ABLIM2: variants seen among roughly 807,000 people sequenced by gnomAD.
The protein encoded by ABLIM2 is actin binding LIM protein family member 2.
In ABLIM2, 53 loss-of-function variants were observed where a neutral mutation model predicts 97.7. The ratio of observed to expected loss-of-function variants is 0.54; its 90% confidence interval spans 0.44 to 0.68. The LOEUF (loss-of-function observed/expected upper bound fraction) is 0.68, where lower values mean the gene tolerates loss of function less well. Ranked by LOEUF, ABLIM2 falls within the 30% of genes least tolerant of loss-of-function variation. The probability of loss-of-function intolerance (pLI) is 0.00; values close to 1 mark genes in which losing one functional copy is unlikely to be tolerated. For missense variants in ABLIM2, 835 were observed against 867.2 expected, an observed-to-expected ratio of 0.96 and a Z score of 0.47; for synonymous variants, 361 against 345.8, an observed-to-expected ratio of 1.04 and a Z score of -0.49.
rs971671161 is a variant in ABLIM2, at chr4:8,085,923, C to T, written c.454+2246G>A. Among the ~76,000 whole-genome samples the T allele has an allele frequency of 6.7e-5, 7 of 105,024 alleles. No individual in the cohort carries two copies. The highest frequency in any genetic ancestry group is 1.3e-4 in the Non-Finnish European group (7 of 52,692). The allele number at this position is 105,024 out of a possible 152,430, so 68.9% of individuals were successfully genotyped here. ...TGAAAGGCCTTGGCCCACCCCTCGG[C>T]ACTTCCGCCCCCTGATGGACAGAGC... On this transcript the variant is annotated intron_variant, in intron 4 of 20. Coordinates refer to ENST00000447017, the MANE Select transcript of ABLIM2 (RefSeq NM_001130083.2). This position sits in a 1 kb window ranked among gnomAD's most constrained non-coding sequence, Gnocchi z 6.1.
rs187980428 is a variant in ABLIM2 at position 8,018,396 on chromosome 4, C to G, written c.1423+1222G>C. On this transcript the variant is annotated intron_variant, in intron 14 of 20. Transcript: ENST00000447017. Reference sequence around the variant, plus strand: ...CAGGCCTCAGTTTCCCCACTTGTAACCCAAGGGAACTGGTCTGGACAATTT... The same window carrying G: ...CAGGCCTCAGTTTCCCCACTTGTAAGCCAAGGGAACTGGTCTGGACAATTT... 2.0e-5 allele frequency among the ~76,000 whole-genome samples: 3 copies of G among 152,278 alleles called. No individual in the cohort carries two copies. In the East Asian group the frequency reaches 5.8e-4, roughly 29 times the overall value.
At chr4:8,080,371 G>A (rs1273970317) in intron 5 of ABLIM2, among the ~76,000 whole-genome samples, 2 of 152,184 alleles carry the variant, frequency 1.3e-5, no homozygotes, top group Non-Finnish European at 2.9e-5. Flanking sequence ...GGGGAGGGAA[G>A]GCACTTCAAA....
Position 8,032,690 on chromosome 4 carries a change from C to A in ABLIM2, c.1048-2914G>T. The A allele has an allele frequency of 2.5e-6, 4 of 1,612,474 alleles. No homozygotes were observed. Among genetic ancestry groups the A allele is most frequent in the Non-Finnish European group, 3.4e-6 (4 of 1,179,806 alleles). On this transcript the variant is annotated intron_variant, in intron 10 of 20. Transcript: ENST00000447017. This position sits in a 1 kb window ranked among gnomAD's most constrained non-coding sequence, Gnocchi z 4.3. ...AGAGCAACTGAGGGGACTGTGGACA[C>A]AACACACAAAGTGGCCATTAGTGCT...
intron 1 of ABLIM2, among the ~76,000 whole-genome samples, chr4:8,116,207 GGTTT>G (rs1366502279): frequency 3.3e-5 from 5 of 152,216 alleles, no homozygotes; most frequent in Non-Finnish European, 7.3e-5. Context: ...GGCTTGGGGT[GGTTT>G]GTTAGGCAGC....
At chr4:8,017,237 G>A (rs1418117298) in intron 14 of ABLIM2, among the ~76,000 whole-genome samples, 1 of 151,992 alleles carries the variant, frequency 6.6e-6, no homozygotes, top group Non-Finnish European at 1.5e-5. Context: ...GACTGTTCAG[G>A]GAGGTGCTCT....
chr4:8,043,306 A>G lies in ABLIM2; in HGVS notation c.900+1858T>C, dbSNP rs1283762770. ...TAGGAGTGTCAGCTGTGACCCTTTCAATGGGTGAGGAAACAGACCATACCT... is the reference window on the plus strand; with the variant it reads ...TAGGAGTGTCAGCTGTGACCCTTTCGATGGGTGAGGAAACAGACCATACCT... On this transcript the variant is annotated intron_variant, in intron 9 of 20. Transcript: ENST00000447017. This position sits in a 1 kb window ranked among gnomAD's most constrained non-coding sequence, Gnocchi z 4.8. 6.6e-6 allele frequency among the ~76,000 whole-genome samples: 1 copy of G among 152,128 alleles called. No homozygotes were observed. Among genetic ancestry groups the G allele is most frequent in the Non-Finnish European group, 1.5e-5 (1 of 68,032 alleles).
Position 8,033,048 on chromosome 4 carries a change from G to A in ABLIM2, c.1047+3101C>T, listed in dbSNP as rs1462256357. On this transcript the variant is annotated intron_variant, in intron 10 of 20. Transcript: ENST00000447017. The surrounding 1 kb of genome is among the most constrained non-coding windows in gnomAD (Gnocchi z 4.5). ...CAACATCCTGAGGGCCCATCACCTC[G>A]GTTTTCTCTGGACAAGAGAGAAAAG... is the stretch of plus-strand genomic sequence containing the variant. Among the ~76,000 whole-genome samples, 1 of 152,294 alleles carries A rather than the reference G, an allele frequency of 6.6e-6. No individual in the cohort carries two copies. The highest frequency in any genetic ancestry group is 2.4e-5 in the African/African-American group (1 of 41,560).
chr4:7,971,411 G>A (rs1006257000), intron 20 of ABLIM2, among the ~76,000 whole-genome samples: 8 of 152,164 alleles, frequency 5.3e-5, no homozygotes, highest in African/African-American at 1.9e-4. Flanking sequence ...GCAGAGGGTG[G>A]GGCAGCCTCA....
chr4:8,036,154 C>A lies in ABLIM2; in HGVS notation c.1042G>T (p.Gly348Cys), dbSNP rs779669855. 2.5e-6 allele frequency: 4 copies of A among 1,613,744 alleles called. No individual in the cohort carries two copies. In the South Asian group the frequency reaches 4.4e-5, roughly 18 times the overall value. ...SHSAGDRQSY[G>C]EGDQDDRSYK... ...CATGTGGGCAGGGTCCATACCTCGC[C>A]GTAGCTCTGCCTGTCCCCTGCAGAG... Residue 348 changes from glycine (G) to cysteine (C), a missense_variant, in exon 10 of 21, where the codon GGC becomes TGC. Coordinates refer to ENST00000447017, the MANE Select transcript of ABLIM2 (RefSeq NM_001130083.2).
chr4:7,987,837 C>G (rs1745623063), intron 17 of ABLIM2, among the ~76,000 whole-genome samples: 1 of 152,198 alleles, frequency 6.6e-6, no homozygotes, highest in African/African-American at 2.4e-5. Flanking sequence ...TGCAAGGCCT[C>G]TAAGGTGCAA....
At chr4:8,016,262 T>TC (rs1448033644) in intron 14 of ABLIM2, among the ~76,000 whole-genome samples, 3 of 152,162 alleles carry the variant, frequency 2.0e-5, no homozygotes, top group Non-Finnish European at 4.4e-5. Context: ...CAGGCTGGTC[T>TC]CAAACTCCTG....
chr4:8,073,651 G>A (rs771330668), intron 6 of ABLIM2, among the ~76,000 whole-genome samples: 65 of 152,268 alleles, frequency 4.3e-4, no homozygotes, highest in Admixed American at 2.1e-3. Flanking sequence ...AGATATGATC[G>A]CCACCCAGGA....
Position 7,996,732 on chromosome 4 carries a change from C to A in ABLIM2, c.1619-3805G>T, listed in dbSNP as rs1017519516. ...CTTTCTGTTTGGAGAAGATTCCTTA[C>A]GGGTAGCTCTGCAGGATATCTCACT... On this transcript the variant is annotated intron_variant, in intron 16 of 20. Transcript: ENST00000447017. The surrounding 1 kb of genome is among the most constrained non-coding windows in gnomAD (Gnocchi z 4.5). Among the ~76,000 whole-genome samples the A allele has an allele frequency of 4.6e-5, 7 of 152,184 alleles. No homozygotes were observed. The highest frequency in any genetic ancestry group is 4.6e-4 in the Admixed American group (7 of 15,272).
At position 8,004,394 on chromosome 4, in the gene ABLIM2, C is replaced by T. The variant is rs565690173; in HGVS notation, c.1618+3665G>A. ...CCCCACTCCCACCTGGCCAGACCACCCTTGGCTCCCACTATCCCACCTCTC... is the reference window on the plus strand; with the variant it reads ...CCCCACTCCCACCTGGCCAGACCACTCTTGGCTCCCACTATCCCACCTCTC... On this transcript the variant is annotated intron_variant, in intron 16 of 20. Transcript: ENST00000447017. The surrounding 1 kb of genome is among the most constrained non-coding windows in gnomAD (Gnocchi z 5.9). 1.3e-5 allele frequency among the ~76,000 whole-genome samples: 2 copies of T among 152,304 alleles called. No individual in the cohort carries two copies. The highest frequency in any genetic ancestry group is 2.4e-5 in the African/African-American group (1 of 41,554).
At position 8,069,063 on chromosome 4, in the gene ABLIM2, C is replaced by A. The variant is rs900071834; in HGVS notation, c.676-8009G>T. On this transcript the variant is annotated intron_variant, in intron 6 of 20. Coordinates refer to ENST00000447017, the MANE Select transcript of ABLIM2 (RefSeq NM_001130083.2). This position sits in a 1 kb window ranked among gnomAD's most constrained non-coding sequence, Gnocchi z 4.2. ...CTGGGCCCTCCCCAGACCTTCCACACCCTCTGGAACACAGCTCCTCTTGGC... is the reference window on the plus strand; with the variant it reads ...CTGGGCCCTCCCCAGACCTTCCACAACCTCTGGAACACAGCTCCTCTTGGC... 9.8e-5 allele frequency among the ~76,000 whole-genome samples: 15 copies of A among 152,360 alleles called. No individual in the cohort carries two copies. The highest frequency in any genetic ancestry group is 3.3e-4 in the Admixed American group (5 of 15,306).
Position 8,022,482 on chromosome 4 carries a change from C to T in ABLIM2, c.1268-2179G>A, listed in dbSNP as rs937856791. 1.3e-5 allele frequency among the ~76,000 whole-genome samples: 2 copies of T among 152,246 alleles called. No individual in the cohort carries two copies. Among genetic ancestry groups the T allele is most frequent in the Non-Finnish European group, 2.9e-5 (2 of 68,040 alleles). On this transcript the variant is annotated intron_variant, in intron 12 of 20. Transcript: ENST00000447017. The surrounding 1 kb of genome is among the most constrained non-coding windows in gnomAD (Gnocchi z 7.8). ...TGAGGCCGCAGGGAAGCTGGGGACACAGCCATGTTGGCCCACCTCATTCTG... is the reference window on the plus strand; with the variant it reads ...TGAGGCCGCAGGGAAGCTGGGGACATAGCCATGTTGGCCCACCTCATTCTG...
intron 8 of ABLIM2, among the ~76,000 whole-genome samples, chr4:8,048,737 G>A (rs1331879276): frequency 2.0e-5 from 3 of 152,128 alleles, no homozygotes; most frequent in Non-Finnish European, 4.4e-5. Flanking sequence ...CACCACTGAG[G>A]CCTCAGTCTT....
At position 8,019,692 on chromosome 4, in the gene ABLIM2, A is replaced by T; in HGVS notation, c.1370-21T>A. 6.2e-7 allele frequency: 1 copy of T among 1,604,002 alleles called. No homozygotes were observed. The highest frequency in any genetic ancestry group is 8.5e-7 in the Non-Finnish European group (1 of 1,172,294). On this transcript the variant is annotated intron_variant, in intron 13 of 20. Transcript: ENST00000447017. This position sits in a 1 kb window ranked among gnomAD's most constrained non-coding sequence, Gnocchi z 4.3. ...AGTGTCTGGGGAAGAAGAAAGAAAA[A>T]AAAGGAGAGAACAGGAGGGTAAGCA... is the stretch of plus-strand genomic sequence containing the variant.
At chr4:8,091,624 TAA>T (rs1828391798) in intron 3 of ABLIM2, among the ~76,000 whole-genome samples, 4 of 64,534 alleles carry the variant, frequency 6.2e-5, no homozygotes, top group African/African-American at 2.7e-4. Context: ...TAATTTTATA[TAA>T]AATTATATAT....
Sources: allele counts gnomAD v4.1 joint callset (sites outside exome capture counted in the v4.1 genomes callset), GRCh38; gene constraint gnomAD v4.1.1; non-coding constraint Gnocchi (gnomAD v3.1); transcripts MANE v1.5; gene names NCBI Gene and HGNC (gene_info 2026-07-23, HGNC 2026-07-21).